CHST11: variants seen among roughly 807,000 people sequenced by gnomAD.
CHST11 encodes the protein C4S-1.
CHST11 carries 9 observed loss-of-function variants against 30.4 expected under a neutral mutation model. The ratio of observed to expected loss-of-function variants is 0.30; its 90% CI spans 0.18 to 0.52. The LOEUF is 0.52. CHST11 is among the 20% of genes least tolerant of loss of function. CHST11 has a pLI of 0.97. For missense variants in CHST11, 348 were observed against 460.6 expected, an observed-to-expected ratio of 0.76 and a Z score of 2.24; for synonymous variants, 152 against 187.8, an observed-to-expected ratio of 0.81 and a Z score of 1.56.
chr12:104,611,574 G>A (rs747580263), intron 2 of CHST11, among the ~76,000 whole-genome samples: 13 of 152,344 alleles, frequency 8.5e-5, no homozygotes, highest in South Asian at 6.2e-4. Context: ...TGTTTGGGCA[G>A]TGAATGAAGC....
chr12:104,519,863 T>C (rs1433235137), intron 1 of CHST11, among the ~76,000 whole-genome samples: 1 of 152,214 alleles, frequency 6.6e-6, no homozygotes, highest in Non-Finnish European at 1.5e-5. Context: ...TTCTGAGAAC[T>C]GTTTCGGCAA....
intron 1 of CHST11, among the ~76,000 whole-genome samples, chr12:104,588,168 C>T (rs537797580): frequency 1.3e-5 from 2 of 151,772 alleles, no homozygotes; most frequent in East Asian, 1.9e-4. Context: ...TTTATAGAGC[C>T]GTACAGCATC....
At chr12:104,604,427 T>C (rs1467864306) in intron 2 of CHST11, among the ~76,000 whole-genome samples, 2 of 152,166 alleles carry the variant, frequency 1.3e-5, no homozygotes, top group African/African-American at 2.4e-5. Flanking sequence ...CTTAGGCTGG[T>C]TTCCTTTACA....
intron 2 of CHST11, among the ~76,000 whole-genome samples, chr12:104,615,403 G>A (rs1486005784): frequency 3.3e-5 from 5 of 152,212 alleles, no homozygotes. Flanking sequence ...TGAGAACTCG[G>A]CAAGCTCAGT....
At chr12:104,668,721 G>T (rs1226829415) in intron 2 of CHST11, among the ~76,000 whole-genome samples, 3 of 152,184 alleles carry the variant, frequency 2.0e-5, no homozygotes, top group Non-Finnish European at 2.9e-5. Context: ...CCCCATAGAT[G>T]TATGGGTCAT....
At chr12:104,636,208 G>A (rs527921261) in intron 2 of CHST11, among the ~76,000 whole-genome samples, 1 of 152,284 alleles carries the variant, frequency 6.6e-6, no homozygotes, top group East Asian at 1.9e-4. Context: ...TTTCTGTGTT[G>A]TTCAGTGTCC....
At chr12:104,479,167 A>G (rs1420727152) in intron 1 of CHST11, among the ~76,000 whole-genome samples, 1 of 151,772 alleles carries the variant, frequency 6.6e-6, no homozygotes, top group Non-Finnish European at 1.5e-5. Context: ...AGCAAAAAAA[A>G]AGGGCCCCCC....
chr12:104,632,634 C>T (rs1271693510), intron 2 of CHST11, among the ~76,000 whole-genome samples: 3 of 152,208 alleles, frequency 2.0e-5, no homozygotes, highest in Non-Finnish European at 4.4e-5. Flanking sequence ...TTCCTCCATC[C>T]GCTCAAACGG....
chr12:104,636,965 T>A (rs2039328325), intron 2 of CHST11, among the ~76,000 whole-genome samples: 1 of 151,968 alleles, frequency 6.6e-6, no homozygotes, highest in African/African-American at 2.4e-5. Flanking sequence ...GATAAGCACT[T>A]AGTGACTAAA....
chr12:104,611,799 G>A (rs2039062166), intron 2 of CHST11, among the ~76,000 whole-genome samples: 1 of 152,222 alleles, frequency 6.6e-6, no homozygotes, highest in African/African-American at 2.4e-5. Flanking sequence ...TATTGTGGAA[G>A]GGCTAACACT....
chr12:104,649,113 G>A (rs1472770573), intron 2 of CHST11, among the ~76,000 whole-genome samples: 1 of 152,144 alleles, frequency 6.6e-6, no homozygotes, highest in Non-Finnish European at 1.5e-5. Flanking sequence ...TCAGGGATGG[G>A]GGAAGCAGAG....
chr12:104,479,929 C>T (rs2037603446), intron 1 of CHST11, among the ~76,000 whole-genome samples: 1 of 152,154 alleles, frequency 6.6e-6, no homozygotes, highest in Admixed American at 6.5e-5. Flanking sequence ...CCCCTTGGAT[C>T]CATCACTTTT....
intron 2 of CHST11, among the ~76,000 whole-genome samples, chr12:104,739,612 C>T (rs1316297366): frequency 1.3e-5 from 2 of 152,248 alleles, no homozygotes; most frequent in Admixed American, 6.5e-5. Context: ...TTGATGGAAA[C>T]AGCCACATAG....
chr12:104,602,737 C>T (rs1032215741), intron 2 of CHST11, among the ~76,000 whole-genome samples: 1 of 152,146 alleles, frequency 6.6e-6, no homozygotes, highest in African/African-American at 2.4e-5. Context: ...CAACTAGCAG[C>T]AGCATCAGTG....
intron 2 of CHST11, among the ~76,000 whole-genome samples, chr12:104,738,397 C>G (rs914898139): frequency 6.6e-6 from 1 of 152,262 alleles, no homozygotes; most frequent in Non-Finnish European, 1.5e-5. Context: ...ATGAATACTT[C>G]TTTCTTGGGA....
At chr12:104,715,289 G>A (rs933686608) in intron 2 of CHST11, among the ~76,000 whole-genome samples, 3 of 152,148 alleles carry the variant, frequency 2.0e-5, no homozygotes, top group Admixed American at 6.5e-5. Flanking sequence ...CAGGAGAATC[G>A]CTTGAGCCCA....
At chr12:104,564,660 C>A (rs2038544306) in intron 1 of CHST11, among the ~76,000 whole-genome samples, 1 of 152,184 alleles carries the variant, frequency 6.6e-6, no homozygotes, top group Non-Finnish European at 1.5e-5. Flanking sequence ...CCAAGTCTGC[C>A]TAAGGATAGA....
chr12:104,626,578 C>CAAAAAA (rs34633763), intron 2 of CHST11, among the ~76,000 whole-genome samples: 2 of 78,162 alleles, frequency 2.6e-5, no homozygotes, highest in African/African-American at 3.7e-5. Context: ...CCTCCCCACC[C>CAAAAAA]AAAAAAAAAA....
chr12:104,563,127 T>TC (rs568718107), intron 1 of CHST11, among the ~76,000 whole-genome samples: 184 of 152,092 alleles, frequency 1.2e-3, no homozygotes, highest in Middle Eastern at 3.4e-3. Flanking sequence ...TCAACCTCCG[T>TC]CCCCCCGGGT....
Sources: allele counts gnomAD v4.1 joint callset (sites outside exome capture counted in the v4.1 genomes callset), GRCh38; gene constraint gnomAD v4.1.1; transcripts MANE v1.5; gene names NCBI Gene and HGNC (gene_info 2026-07-23, HGNC 2026-07-21).